USH2A: variants seen among roughly 807,000 people sequenced by gnomAD.
USH2A encodes the protein usherin.
In USH2A, 443 loss-of-function variants were observed where a neutral mutation model predicts 538.9. The ratio of observed to expected loss-of-function variants is 0.82; its 90% CI spans 0.76 to 0.89. The LOEUF is 0.89. Ranked by LOEUF, USH2A falls within the 40% of genes least tolerant of loss-of-function variation. The pLI is 0.00. For missense variants in USH2A, 6,633 were observed against 6,324.8 expected, an observed-to-expected ratio of 1.05 and a Z score of -1.65; for synonymous variants, 2,413 against 2,273.5, an observed-to-expected ratio of 1.06 and a Z score of -1.75.
At chr1:215,807,927 T>C (rs1379150574) in intron 49 of USH2A, among the ~76,000 whole-genome samples, 1 of 152,130 alleles carries the variant, frequency 6.6e-6, no homozygotes, top group Non-Finnish European at 1.5e-5. Flanking sequence ...GCTTTGAGTA[T>C]TCTAACTCAG....
At chr1:215,661,713 A>G (rs926576367) in intron 64 of USH2A, among the ~76,000 whole-genome samples, 1 of 152,192 alleles carries the variant, frequency 6.6e-6, no homozygotes, top group Non-Finnish European at 1.5e-5. Context: ...CTGAAGGAAC[A>G]GAGAAATGGT....
chr1:216,247,885 T>C (rs140595151), intron 12 of USH2A, among the ~76,000 whole-genome samples: 2 of 152,198 alleles, frequency 1.3e-5, no homozygotes, highest in African/African-American at 4.8e-5. Flanking sequence ...GCCATAAATA[T>C]ATACAATTTT....
At chr1:216,036,157 G>A (rs1280951504) in intron 32 of USH2A, among the ~76,000 whole-genome samples, 1 of 152,130 alleles carries the variant, frequency 6.6e-6, no homozygotes, top group Non-Finnish European at 1.5e-5. Context: ...TTAAATATAA[G>A]GTGAAGACTA....
intron 11 of USH2A, among the ~76,000 whole-genome samples, chr1:216,260,715 T>A: frequency 6.6e-6 from 1 of 152,166 alleles, no homozygotes; most frequent in Non-Finnish European, 1.5e-5. Flanking sequence ...GACATCAGTC[T>A]TATTGTCAAG....
At chr1:215,863,820 A>G (rs938690209) in intron 44 of USH2A, among the ~76,000 whole-genome samples, 2 of 152,134 alleles carry the variant, frequency 1.3e-5, no homozygotes, top group African/African-American at 4.8e-5. Context: ...AAAACATTTT[A>G]AAAAAGGAAA....
intron 2 of USH2A, 51 bp from the exon 3 acceptor site, chr1:216,418,730 A>G: frequency 1.9e-6 from 3 of 1,602,110 alleles, no homozygotes; most frequent in South Asian, 1.1e-5. Flanking sequence ...AACCAAAAAG[A>G]CATGCTAAGG....
intron 43 of USH2A, among the ~76,000 whole-genome samples, chr1:215,872,918 G>A (rs1289806336): frequency 2.0e-5 from 3 of 151,938 alleles, no homozygotes; most frequent in Non-Finnish European, 4.4e-5. Flanking sequence ...TCCACCACGG[G>A]TAAAAGCTCC....
intron 13 of USH2A, among the ~76,000 whole-genome samples, chr1:216,241,596 G>A (rs549840381): frequency 3.2e-4 from 48 of 151,666 alleles, no homozygotes; most frequent in African/African-American, 9.4e-4. Flanking sequence ...GTGCAATGGC[G>A]CCATCTCTGC....
At position 216,199,798 on chromosome 1, in the gene USH2A, C is replaced by T. The variant is rs754980255; in HGVS notation, c.3640G>A (p.Ala1214Thr). 2 of 1,614,096 alleles carry T rather than the reference C, an allele frequency of 1.2e-6. No individual in the cohort carries two copies. Among genetic ancestry groups the T allele is most frequent in the Admixed American group, 3.3e-5 (2 of 60,018 alleles). ...GCCTGTACAGAAAAATCGTACTTGG[C>T]AAATGGAACCAGATTCCAGATGGTA... ...SATIWNLVPF[A>T]KYDFSVQACT... is the part of the protein sequence containing the mutation. The change falls in exon 17 of 72, where the codon GCC becomes ACC. Residue 1214 changes from alanine (A) to threonine (T), a missense_variant. Ala to Thr is a moderately conservative substitution (Grantham distance 58). Transcript: ENST00000307340.
Position 215,624,673 on chromosome 1 carries a change from T to C in USH2A, c.*1108A>G, listed in dbSNP as rs1655949957. The C allele has an allele frequency of 6.6e-6, 1 of 152,114 alleles. No individual in the cohort carries two copies. The highest frequency in any genetic ancestry group is 1.5e-5 in the Non-Finnish European group (1 of 68,014). 9.4% of individuals were successfully genotyped at this position (152,114 alleles called of 1,614,324 possible). A position where few individuals can be genotyped will look rare whatever the true frequency, so the allele number is the denominator to read the frequency against. ...GCAGGTGACAGACATTTTTGAACCG[T>C]AATTGGTACTGTTGCATATCATCTG... On this transcript the variant is annotated 3_prime_UTR_variant, in exon 72 of 72. Transcript: ENST00000307340.
At chr1:216,162,049 G>T (rs2034069734) in intron 21 of USH2A, among the ~76,000 whole-genome samples, 1 of 151,742 alleles carries the variant, frequency 6.6e-6, no homozygotes, top group Admixed American at 6.6e-5. Flanking sequence ...CCTCCTTATG[G>T]TTTGCTAAAC....
intron 21 of USH2A, among the ~76,000 whole-genome samples, chr1:216,101,715 A>T (rs1558259247): frequency 6.6e-6 from 1 of 152,256 alleles, no homozygotes; most frequent in Non-Finnish European, 1.5e-5. Flanking sequence ...TTTTCAAAAA[A>T]TGAGACAGGA....
intron 3 of USH2A, among the ~76,000 whole-genome samples, chr1:216,387,827 T>C (rs1053437509): frequency 6.6e-6 from 1 of 152,184 alleles, no homozygotes; most frequent in Admixed American, 6.5e-5. Flanking sequence ...GACACCTCCA[T>C]CTGCCCTCCC....
At chr1:216,297,980 T>A (rs1318482651) in intron 9 of USH2A, among the ~76,000 whole-genome samples, 3 of 152,190 alleles carry the variant, frequency 2.0e-5, no homozygotes, top group African/African-American at 7.2e-5. Flanking sequence ...CTTCCCCAGT[T>A]CAATTAGCCA....
At chr1:216,056,724 A>G (rs1321011575) in intron 30 of USH2A, among the ~76,000 whole-genome samples, 4 of 152,262 alleles carry the variant, frequency 2.6e-5, no homozygotes, top group African/African-American at 9.6e-5. Flanking sequence ...GCAAGTTTGT[A>G]TGCCTGTAAT....
chr1:216,046,307 A>G, intron 32 of USH2A, 124 bp downstream of exon 32: 1 of 1,034,296 alleles, frequency 9.7e-7, no homozygotes, highest in Non-Finnish European at 1.4e-6. Context: ...TTTTTCACAT[A>G]TTTCCTAAGC....
At chr1:216,014,481 T>A (rs1010417490) in intron 32 of USH2A, among the ~76,000 whole-genome samples, 9 of 152,182 alleles carry the variant, frequency 5.9e-5, no homozygotes, top group African/African-American at 2.2e-4. Context: ...GATTAGGCAC[T>A]TCAAGGGCAA....
At chr1:215,662,231 C>T (rs950722261) in intron 64 of USH2A, among the ~76,000 whole-genome samples, 2 of 152,160 alleles carry the variant, frequency 1.3e-5, no homozygotes, top group African/African-American at 4.8e-5. Context: ...TCTGAAGAGC[C>T]ATGAGGGCAG....
At chr1:215,793,460 C>T (rs1001152976) in intron 50 of USH2A, among the ~76,000 whole-genome samples, 1 of 152,092 alleles carries the variant, frequency 6.6e-6, no homozygotes, top group Non-Finnish European at 1.5e-5. Flanking sequence ...TCACACTTGT[C>T]TTCACCAGTA....
Sources: allele counts gnomAD v4.1 joint callset (sites outside exome capture counted in the v4.1 genomes callset), GRCh38; gene constraint gnomAD v4.1.1; transcripts MANE v1.5; gene names NCBI Gene and HGNC (gene_info 2026-07-23, HGNC 2026-07-21).